The following FAM78B variants were observed in gnomAD, a reference collection of about 807,000 sequenced individuals.
The protein encoded by FAM78B is protein FAM78B.
In FAM78B, 10 loss-of-function variants were observed where a neutral mutation model predicts 20.0. The ratio of observed to expected loss-of-function variants is 0.50; its 90% CI spans 0.31 to 0.85. The LOEUF is 0.85. Ranked by LOEUF, FAM78B falls within the 40% of genes least tolerant of loss-of-function variation. The pLI, the probability that FAM78B is intolerant of heterozygous loss-of-function variation, is 0.05. For synonymous variants in FAM78B, 135 were observed against 132.8 expected (o/e 1.02, Z -0.12); for missense variants, 283 against 345.0 (o/e 0.82, Z 1.42).
chr1:166,079,647 T>C (rs892908723), intron 1 of FAM78B, among the ~76,000 whole-genome samples: 1 of 152,220 alleles, frequency 6.6e-6, no homozygotes, highest in African/African-American at 2.4e-5. Context: ...CCTATGCTGC[T>C]AGGTTCTGGC....
chr1:166,109,832 G>GTATATATATA (rs1215891381), intron 1 of FAM78B, among the ~76,000 whole-genome samples: 1 of 28,272 alleles, frequency 3.5e-5, no homozygotes, highest in African/African-American at 1.0e-4. Flanking sequence ...ATATATATAT[G>GTATATATATA]TATATATGTA....
At chr1:166,155,336 G>C (rs1011524672) in intron 1 of FAM78B, among the ~76,000 whole-genome samples, 1 of 152,172 alleles carries the variant, frequency 6.6e-6, no homozygotes, top group Non-Finnish European at 1.5e-5. Context: ...GCACTACTTA[G>C]CTGAGTAATG....
chr1:166,163,288 C>A (rs1410908777), intron 1 of FAM78B, among the ~76,000 whole-genome samples: 1 of 152,174 alleles, frequency 6.6e-6, no homozygotes, highest in African/African-American at 2.4e-5. Flanking sequence ...TAGAATCATT[C>A]GAGGAAGTGC....
intron 1 of FAM78B, among the ~76,000 whole-genome samples, chr1:166,157,284 T>C (rs1366492238): frequency 6.6e-6 from 1 of 151,894 alleles, no homozygotes; most frequent in Non-Finnish European, 1.5e-5. Flanking sequence ...CTAGCAATAA[T>C]AACGAGCATG....
chr1:166,122,074 G>A (rs552960842), intron 1 of FAM78B, among the ~76,000 whole-genome samples: 6 of 152,334 alleles, frequency 3.9e-5, no homozygotes, highest in African/African-American at 1.4e-4. Flanking sequence ...TTAATTCCCA[G>A]ATCTGTCCAG....
At chr1:166,165,568 C>G (rs536804432) in intron 1 of FAM78B, among the ~76,000 whole-genome samples, 1 of 152,274 alleles carries the variant, frequency 6.6e-6, no homozygotes, top group East Asian at 1.9e-4. Context: ...GGACGCGCGG[C>G]ACAGCCCATG....
At chr1:166,055,990 C>T (rs1651330776), downstream of FAM78B, among the ~76,000 whole-genome samples, 1 of 152,114 alleles carries the variant, frequency 6.6e-6, no homozygotes, top group South Asian at 2.1e-4. Context: ...TTGTTCTTTC[C>T]AGAGATCATG....
At chr1:166,164,400 G>A (rs1359940773) in intron 1 of FAM78B, among the ~76,000 whole-genome samples, 1 of 152,232 alleles carries the variant, frequency 6.6e-6, no homozygotes, top group Non-Finnish European at 1.5e-5. Context: ...AGACACATGT[G>A]TTCACATATA....
chr1:166,154,498 G>GGGA (rs1195570583), intron 1 of FAM78B, among the ~76,000 whole-genome samples: 1 of 152,226 alleles, frequency 6.6e-6, no homozygotes, highest in Non-Finnish European at 1.5e-5. Context: ...CCTGGCAACT[G>GGGA]TGTAGACATC....
intron 1 of FAM78B, among the ~76,000 whole-genome samples, chr1:166,129,747 A>G (rs1023057499): frequency 6.6e-5 from 10 of 151,864 alleles, no homozygotes; most frequent in Non-Finnish European, 1.2e-4. Flanking sequence ...TTTCTCTTCC[A>G]TTAACCTCAT....
intron 1 of FAM78B, among the ~76,000 whole-genome samples, chr1:166,161,534 G>A (rs1656147961): frequency 6.6e-6 from 1 of 152,184 alleles, no homozygotes; most frequent in Admixed American, 6.5e-5. Flanking sequence ...CAGACTGGAG[G>A]GGGACAAGAA....
chr1:166,074,194 C>T (rs904300461), intron 1 of FAM78B, among the ~76,000 whole-genome samples: 27 of 152,208 alleles, frequency 1.8e-4, no homozygotes, highest in African/African-American at 6.5e-4. Context: ...AGTACCTTAA[C>T]AGGACATACA....
chr1:166,122,502 T>A (rs115165492), intron 1 of FAM78B, among the ~76,000 whole-genome samples: 42 of 152,354 alleles, frequency 2.8e-4, no homozygotes, highest in Non-Finnish European at 5.6e-4. Flanking sequence ...CAACATTATA[T>A]AAGCCAACTC....
intron 1 of FAM78B, among the ~76,000 whole-genome samples, chr1:166,104,885 C>T (rs1653703106): frequency 6.6e-6 from 1 of 152,190 alleles, no homozygotes; most frequent in East Asian, 1.9e-4. Flanking sequence ...AAAAAAGAGC[C>T]CGCATTGCCA....
chr1:166,068,283 C>T (rs1416126174), downstream of FAM78B, among the ~76,000 whole-genome samples: 1 of 152,182 alleles, frequency 6.6e-6, no homozygotes, highest in Non-Finnish European at 1.5e-5. Context: ...CTCTCTGGGA[C>T]TGCCTTTCCC....
intron 1 of FAM78B, among the ~76,000 whole-genome samples, chr1:166,110,790 A>G (rs1410703117): frequency 1.3e-5 from 2 of 152,210 alleles, no homozygotes; most frequent in African/African-American, 4.8e-5. Flanking sequence ...GCAACTGAGC[A>G]TATTTAGACT....
chr1:166,166,237 G>GATACT lies in FAM78B; in HGVS notation c.11_12insAGTAT (p.Gln5ValfsTer94). 6.6e-7 allele frequency: 1 copy of GATACT among 1,512,606 alleles called. No individual in the cohort carries two copies. Among genetic ancestry groups the GATACT allele is most frequent in the Non-Finnish European group, 8.9e-7 (1 of 1,125,106 alleles). 93.7% of individuals were successfully genotyped at this position (1,512,606 alleles called of 1,614,324 possible). A position where few individuals can be genotyped will look rare whatever the true frequency, so the allele number is the denominator to read the frequency against. The stretch of plus-strand genomic sequence containing the variant: ...TCCGCGCCTTGCAGGTGATGCTTTG[G>GATACT]ATACAGCCCATCCTGCAGCCCGGTG... On this transcript the variant is annotated frameshift_variant, in exon 1 of 2. Coordinates refer to ENST00000354422, the MANE Select transcript of FAM78B (RefSeq NM_001017961.5). LOFTEE classifies it high-confidence loss of function.
chr1:166,148,206 T>C (rs1025282737), intron 1 of FAM78B, among the ~76,000 whole-genome samples: 6 of 152,238 alleles, frequency 3.9e-5, no homozygotes, highest in Admixed American at 1.3e-4. Context: ...GAGTGTCTTA[T>C]GGCTAAAAGA....
At chr1:166,105,357 G>A (rs1653727118) in intron 1 of FAM78B, among the ~76,000 whole-genome samples, 1 of 151,948 alleles carries the variant, frequency 6.6e-6, no homozygotes, top group Non-Finnish European at 1.5e-5. Context: ...TGACAAATGG[G>A]ATCTAATTAA....
Sources: allele counts gnomAD v4.1 joint callset (sites outside exome capture counted in the v4.1 genomes callset), GRCh38; gene constraint gnomAD v4.1.1; transcripts MANE v1.5; gene names NCBI Gene and HGNC (gene_info 2026-07-23, HGNC 2026-07-21).